Variants in PALM2AKAP2 observed in about 807,000 individuals in gnomAD.
PALM2AKAP2 encodes PALM2 and AKAP2 fusion.
A neutral mutation model predicts 71.5 loss-of-function variants in PALM2AKAP2; 37 were observed. The ratio of observed to expected loss-of-function variants is 0.52; its 90% CI spans 0.40 to 0.68. The LOEUF (loss-of-function observed/expected upper bound fraction) is 0.68. PALM2AKAP2 is among the 30% of genes least tolerant of loss of function. The probability of loss-of-function intolerance (pLI) is 0.00; values close to 1 mark genes in which losing one functional copy is unlikely to be tolerated. For missense variants in PALM2AKAP2, 1,224 were observed against 1,191.8 expected (o/e 1.03, Z -0.40); for synonymous variants, 468 against 478.8 (o/e 0.98, Z 0.29).
intron 3 of PALM2AKAP2, among the ~76,000 whole-genome samples, chr9:110,166,786 AC>A (rs1263756948): frequency 6.6e-6 from 1 of 151,576 alleles, no homozygotes; most frequent in African/African-American, 2.4e-5. Context: ...GTTGAGATGG[AC>A]CCCCGATCTC....
At chr9:109,746,597 C>G (rs569980900) in intron 1 of PALM2AKAP2, among the ~76,000 whole-genome samples, 73 of 152,250 alleles carry the variant, frequency 4.8e-4, no homozygotes, top group African/African-American at 1.7e-3. Flanking sequence ...TGTCCTCACA[C>G]TCAGAGTCTA....
chr9:109,907,389 C>T (rs1206125878), intron 3 of PALM2AKAP2, among the ~76,000 whole-genome samples: 1 of 152,196 alleles, frequency 6.6e-6, no homozygotes, highest in East Asian at 1.9e-4. Flanking sequence ...CTGAAAGACT[C>T]ATATTTCTGG....
intron 1 of PALM2AKAP2, among the ~76,000 whole-genome samples, chr9:109,653,083 A>G (rs958580880): frequency 6.6e-6 from 1 of 152,266 alleles, no homozygotes; most frequent in Non-Finnish European, 1.5e-5. Context: ...TAGTTTGAAT[A>G]ACCGACTTAA....
At chr9:109,965,443 A>G (rs541268239) in intron 6 of PALM2AKAP2, among the ~76,000 whole-genome samples, 8 of 152,400 alleles carry the variant, frequency 5.2e-5, no homozygotes, top group Non-Finnish European at 1.0e-4. Flanking sequence ...CACAACATGG[A>G]TGGACCATGA....
intron 7 of PALM2AKAP2, among the ~76,000 whole-genome samples, chr9:110,035,942 C>CT (rs1388674384): frequency 6.6e-6 from 1 of 150,386 alleles, no homozygotes; most frequent in Non-Finnish European, 1.5e-5. Flanking sequence ...TGAGTTGGTA[C>CT]TTTTTTTTGT....
At chr9:109,792,416 T>C (rs943962758) in intron 1 of PALM2AKAP2, among the ~76,000 whole-genome samples, 14 of 152,214 alleles carry the variant, frequency 9.2e-5, no homozygotes, top group African/African-American at 3.1e-4. Flanking sequence ...CATGTGCCAT[T>C]GCTCCCAGCA....
At chr9:110,060,802 A>C (rs1833949805) in intron 1 of PALM2AKAP2, among the ~76,000 whole-genome samples, 1 of 151,980 alleles carries the variant, frequency 6.6e-6, no homozygotes, top group Non-Finnish European at 1.5e-5. Flanking sequence ...GGATTTCGCC[A>C]TGTTGGCCAG....
At chr9:110,036,174 A>G (rs1257442288) in intron 7 of PALM2AKAP2, among the ~76,000 whole-genome samples, 1 of 152,086 alleles carries the variant, frequency 6.6e-6, no homozygotes, top group Non-Finnish European at 1.5e-5. Context: ...TGACCTCGTG[A>G]TCCACCCGCC....
chr9:109,704,068 GGGGACATCTCT>G (rs1185538900), intron 1 of PALM2AKAP2, among the ~76,000 whole-genome samples: 17 of 152,308 alleles, frequency 1.1e-4, no homozygotes, highest in African/African-American at 3.6e-4. Context: ...ACAGTGGTGA[GGGGACATCTCT>G]GAGAGAATAG....
chr9:109,720,509 A>G (rs1027979355), intron 1 of PALM2AKAP2, among the ~76,000 whole-genome samples: 3 of 152,154 alleles, frequency 2.0e-5, no homozygotes, highest in Admixed American at 6.5e-5. Flanking sequence ...TCATTAGCCT[A>G]TATAGATGAG....
At chr9:109,704,000 G>A (rs1242435259) in intron 1 of PALM2AKAP2, among the ~76,000 whole-genome samples, 1 of 152,170 alleles carries the variant, frequency 6.6e-6, no homozygotes, top group South Asian at 2.1e-4. Context: ...CTTTTGAAAG[G>A]CTCCTTGGCC....
At chr9:110,090,190 G>C (rs551184348) in intron 1 of PALM2AKAP2, 11 of 334,656 alleles carry the variant, frequency 3.3e-5, no homozygotes, top group South Asian at 2.5e-4. Context: ...CTGGGGCAGC[G>C]TCCACCAGGT....
chr9:109,831,927 T>C (rs919696430), intron 1 of PALM2AKAP2, among the ~76,000 whole-genome samples: 3 of 152,184 alleles, frequency 2.0e-5, no homozygotes, highest in African/African-American at 4.8e-5. Context: ...GCCAATTATT[T>C]TGAAGCAGTA....
chr9:110,162,021 G>T lies in PALM2AKAP2; in HGVS notation c.2748+5524G>T, dbSNP rs950187080. 3.2e-6 allele frequency: 5 copies of T among 1,576,092 alleles called. No homozygotes were observed. The African/African-American group carries it at 5.4e-5, about 17-fold the overall frequency. ...CCCATCCTCTTCTGGTGTGGTGCCT[G>T]TTCCCGGCTAGGGGGTGTTCTGTAA... On this transcript the variant is annotated intron_variant, in intron 3 of 3. Transcript: ENST00000374525.
intron 3 of PALM2AKAP2, among the ~76,000 whole-genome samples, chr9:109,913,973 G>A (rs1395600837): frequency 6.6e-6 from 1 of 152,026 alleles, no homozygotes; most frequent in East Asian, 1.9e-4. Flanking sequence ...AGCCAGGATG[G>A]TCTTGATCTC....
intron 6 of PALM2AKAP2, among the ~76,000 whole-genome samples, chr9:109,979,984 G>A (rs1832240277): frequency 6.6e-6 from 1 of 152,110 alleles, no homozygotes; most frequent in Non-Finnish European, 1.5e-5. Context: ...CTTTTCAAAG[G>A]ACACAGGAAA....
At chr9:110,092,698 T>C (rs1834740839) in intron 1 of PALM2AKAP2, among the ~76,000 whole-genome samples, 2 of 152,212 alleles carry the variant, frequency 1.3e-5, no homozygotes, top group Non-Finnish European at 2.9e-5. Context: ...GGGATAGACT[T>C]GAGGCATTGT....
intron 6 of PALM2AKAP2, among the ~76,000 whole-genome samples, chr9:109,998,190 G>T (rs1482807325): frequency 6.6e-6 from 1 of 152,200 alleles, no homozygotes; most frequent in Non-Finnish European, 1.5e-5. Context: ...GGGTTGATAT[G>T]ATTTTGTCCA....
chr9:110,164,511 T>C (rs1431565804), intron 3 of PALM2AKAP2, among the ~76,000 whole-genome samples: 1 of 148,366 alleles, frequency 6.7e-6, no homozygotes, highest in Non-Finnish European at 1.5e-5. Context: ...TAAAACTTTG[T>C]TTATTTATTT....
Sources: gnomAD v4.1 joint callset for allele counts (sites outside exome capture counted in the v4.1 genomes callset) on GRCh38, gnomAD v4.1.1 for gene constraint, MANE v1.5 for transcripts, NCBI Gene and HGNC (gene_info 2026-07-23, HGNC 2026-07-21) for gene names.